RNFT2: variants seen among roughly 807,000 people sequenced by gnomAD.
The protein encoded by RNFT2 is ring finger protein, transmembrane 2.
Under a neutral mutation model 53.0 loss-of-function variants are expected in RNFT2, and 36 were observed. The ratio of observed to expected loss-of-function variants is 0.68; its 90% confidence interval spans 0.52 to 0.90. The LOEUF is 0.90. RNFT2 is among the 40% of genes least tolerant of loss of function. The pLI is 0.00. For missense variants in RNFT2, 514 were observed against 585.6 expected, an observed-to-expected ratio of 0.88 and a Z score of 1.26; for synonymous variants, 260 against 253.2, an observed-to-expected ratio of 1.03 and a Z score of -0.26.
intron 7 of RNFT2, among the ~76,000 whole-genome samples, chr12:116,804,958 C>A (rs1053055986): frequency 4.6e-5 from 7 of 152,090 alleles, no homozygotes; most frequent in Non-Finnish European, 1.0e-4. Context: ...TGAAGTGAAA[C>A]CCTGTCAAAA....
intron 7 of RNFT2, among the ~76,000 whole-genome samples, chr12:116,813,753 T>A (rs568465669): frequency 4.1e-4 from 63 of 152,202 alleles, no homozygotes; most frequent in Non-Finnish European, 7.5e-4. Context: ...ATTTCTCCCT[T>A]CACTATATTT....
chr12:116,777,327 A>G (rs982130951), intron 6 of RNFT2, among the ~76,000 whole-genome samples: 1 of 152,162 alleles, frequency 6.6e-6, no homozygotes, highest in Admixed American at 6.5e-5. Flanking sequence ...TAAAGCCAGG[A>G]TATTTTAGCC....
rs184078831 is a variant in RNFT2, at chr12:116,799,506, G to A, written c.882+20158G>A. On this transcript the variant is annotated intron_variant, in intron 7 of 10. Transcript: ENST00000257575. ...TGGGAAATTTTGCTGGGTGCCCACCGCACTATCTCAGAGGGTTGTTGTGAA... is the reference window on the plus strand; with the variant it reads ...TGGGAAATTTTGCTGGGTGCCCACCACACTATCTCAGAGGGTTGTTGTGAA... 7.7e-4 allele frequency among the ~76,000 whole-genome samples: 118 copies of A among 152,274 alleles called. 1 individual carries two copies. Among genetic ancestry groups the A allele is most frequent in the African/African-American group, 2.6e-3 (110 of 41,554 alleles).
intron 7 of RNFT2, among the ~76,000 whole-genome samples, chr12:116,786,942 G>A (rs1052380913): frequency 6.6e-6 from 1 of 152,128 alleles, no homozygotes; most frequent in Admixed American, 6.5e-5. Context: ...CTCCTCTTCT[G>A]TGAATGATGC....
At chr12:116,771,492 A>ATATATATAT (rs751202230) in intron 6 of RNFT2, among the ~76,000 whole-genome samples, 4 of 109,268 alleles carry the variant, frequency 3.7e-5, no homozygotes, top group Admixed American at 2.3e-4. Context: ...AAAAAAAAAA[A>ATATATATAT]AAATACGTAT....
chr12:116,757,879 T>G (rs1872568827), intron 5 of RNFT2, among the ~76,000 whole-genome samples: 1 of 152,234 alleles, frequency 6.6e-6, no homozygotes, highest in African/African-American at 2.4e-5. Context: ...GTTTCTTTGT[T>G]GACTTTCTGT....
intron 7 of RNFT2, among the ~76,000 whole-genome samples, chr12:116,787,370 G>A (rs1873983790): frequency 6.6e-6 from 1 of 152,158 alleles, no homozygotes; most frequent in Non-Finnish European, 1.5e-5. Context: ...TCCTCCTGCA[G>A]AAAATCGAGA....
chr12:116,841,794 A>AATATATATAAAAAT (rs1877276194), intron 10 of RNFT2, among the ~76,000 whole-genome samples: 1 of 94,676 alleles, frequency 1.1e-5, no homozygotes, highest in African/African-American at 5.1e-5. Flanking sequence ...TATATATATA[A>AATATATATAAAAAT]ATATATATAT....
chr12:116,851,474 C>T lies in RNFT2; in HGVS notation c.*2026C>T. 2.2e-6 allele frequency: 1 copy of T among 450,608 alleles called. No homozygotes were observed. Among genetic ancestry groups the T allele is most frequent in the Non-Finnish European group, 4.0e-6 (1 of 247,460 alleles). The allele number at this position is 450,608 out of a possible 1,614,324, so 27.9% of individuals were successfully genotyped here. ...ACACGAGAGGCCGGGTGTGGTGGCC[C>T]ATGCCTGTAGTGCCAGCATTTTGGG... On this transcript the variant is annotated 3_prime_UTR_variant, in exon 11 of 11. Coordinates refer to ENST00000257575, the MANE Select transcript of RNFT2 (RefSeq NM_001382266.1).
chr12:116,837,227 C>T (rs982070853), intron 10 of RNFT2, among the ~76,000 whole-genome samples: 4 of 152,154 alleles, frequency 2.6e-5, no homozygotes, highest in Admixed American at 6.6e-5. Context: ...TCAAAGCATC[C>T]TATCTGACCC....
At chr12:116,772,987 T>C (rs9300333) in intron 6 of RNFT2, among the ~76,000 whole-genome samples, 144,858 of 152,280 alleles carry the variant, frequency 0.95, 68,948 homozygotes, top group African/African-American at 0.98. Context: ...TGCCACCACA[T>C]CCAGCTAATT....
intron 4 of RNFT2, among the ~76,000 whole-genome samples, chr12:116,751,104 C>T (rs1158271994): frequency 6.7e-6 from 1 of 150,170 alleles, no homozygotes; most frequent in South Asian, 2.1e-4. Context: ...TTCATAGAGT[C>T]GAAGTCTCAC....
At chr12:116,747,527 C>G (rs1420999557) in intron 3 of RNFT2, among the ~76,000 whole-genome samples, 2 of 151,952 alleles carry the variant, frequency 1.3e-5, no homozygotes, top group East Asian at 3.9e-4. Flanking sequence ...ACCCCCGTCT[C>G]ACTCTGTGGA....
At chr12:116,755,325 C>T (rs1016087978) in intron 5 of RNFT2, 2 of 687,672 alleles carry the variant, frequency 2.9e-6, no homozygotes, top group Admixed American at 2.4e-5. Flanking sequence ...TATTCTGTTC[C>T]ATTGGTCTAT....
At chr12:116,768,469 A>T (rs1356136076) in intron 6 of RNFT2, among the ~76,000 whole-genome samples, 4 of 152,194 alleles carry the variant, frequency 2.6e-5, no homozygotes, top group African/African-American at 9.6e-5. Flanking sequence ...GACCATATAG[A>T]CAACAGTGGT....
intron 5 of RNFT2, among the ~76,000 whole-genome samples, chr12:116,754,487 T>C (rs1251946987): frequency 6.6e-6 from 1 of 152,254 alleles, no homozygotes. Flanking sequence ...CTTCTTTTCC[T>C]CTGGGTAGAT....
At chr12:116,805,151 T>A (rs1874984234) in intron 7 of RNFT2, among the ~76,000 whole-genome samples, 1 of 151,456 alleles carries the variant, frequency 6.6e-6, no homozygotes, top group South Asian at 2.1e-4. Flanking sequence ...AGTTTTAGAT[T>A]TAAACATGGA....
At chr12:116,766,241 T>C (rs1038689216) in intron 5 of RNFT2, among the ~76,000 whole-genome samples, 2 of 152,184 alleles carry the variant, frequency 1.3e-5, no homozygotes, top group African/African-American at 2.4e-5. Context: ...ATGATCACAC[T>C]ACTGTACTCC....
chr12:116,813,604 C>G (rs921278948), intron 7 of RNFT2, among the ~76,000 whole-genome samples: 5 of 152,228 alleles, frequency 3.3e-5, no homozygotes, highest in African/African-American at 4.8e-5. Context: ...TTGTCTCCCC[C>G]ATTAGGACTT....
Sources: gnomAD v4.1 joint callset for allele counts (sites outside exome capture counted in the v4.1 genomes callset) on GRCh38, gnomAD v4.1.1 for gene constraint, MANE v1.5 for transcripts, NCBI Gene and HGNC (gene_info 2026-07-23, HGNC 2026-07-21) for gene names.